MACF1: variants seen among roughly 807,000 people sequenced by gnomAD.
MACF1 encodes microtubule-actin cross-linking factor 1.
In MACF1, 193 loss-of-function variants were observed where a neutral mutation model predicts 854.8. The ratio of observed to expected loss-of-function variants is 0.23; its 90% CI spans 0.20 to 0.25. The LOEUF (loss-of-function observed/expected upper bound fraction) is 0.25. Ranked by LOEUF, MACF1 falls within the 10% of genes least tolerant of loss-of-function variation. The pLI is 1.00. For synonymous variants in MACF1, 3,185 were observed against 3,226.7 expected (o/e 0.99, Z 0.44); for missense variants, 7,722 against 8,929.1 (o/e 0.86, Z 5.45).
chr1:39,269,094 G>T, intron 6 of MACF1: 1 of 1,289,794 alleles, frequency 7.8e-7, no homozygotes, highest in Non-Finnish European at 1.0e-6. Flanking sequence ...TGCTGGAGGG[G>T]TCTGGGATTC....
intron 80 of MACF1, among the ~76,000 whole-genome samples, chr1:39,446,810 G>T (rs980330651): frequency 7.9e-5 from 12 of 152,068 alleles, no homozygotes; most frequent in Middle Eastern, 3.2e-3. Context: ...AGCTCTTGTT[G>T]TTGCCATTCT....
chr1:39,107,935 A>G (rs1190459581), intron 2 of MACF1, among the ~76,000 whole-genome samples: 3 of 152,206 alleles, frequency 2.0e-5, no homozygotes, highest in East Asian at 3.8e-4. Flanking sequence ...CCTAGGGCCA[A>G]TGGGAGAAGG....
At chr1:39,407,398 C>T (rs923977338) in intron 58 of MACF1, among the ~76,000 whole-genome samples, 3 of 152,158 alleles carry the variant, frequency 2.0e-5, no homozygotes, top group African/African-American at 4.8e-5. Flanking sequence ...AGTGTCTTGG[C>T]AGTATACGAC....
At chr1:39,279,278 T>C (rs1571257933) in intron 6 of MACF1, among the ~76,000 whole-genome samples, 1 of 152,194 alleles carries the variant, frequency 6.6e-6, no homozygotes, top group African/African-American at 2.4e-5. Context: ...TTCCCTTTTC[T>C]GTACTCAATG....
chr1:39,220,904 T>C (rs1035869998), intron 1 of MACF1, among the ~76,000 whole-genome samples: 6 of 152,172 alleles, frequency 3.9e-5, no homozygotes, highest in South Asian at 2.1e-4. Flanking sequence ...GCTAAGTAAA[T>C]TGAAGAAACT....
At chr1:39,234,448 G>T (rs186849682) in intron 2 of MACF1, among the ~76,000 whole-genome samples, 6,667 of 145,652 alleles carry the variant, frequency 0.046, 212 homozygotes, top group African/African-American at 0.08. Context: ...CCCGGACGGG[G>T]CGGCTGGCCT....
chr1:39,394,352 T>C (rs1569868971), intron 58 of MACF1, among the ~76,000 whole-genome samples: 1 of 152,140 alleles, frequency 6.6e-6, no homozygotes, highest in Non-Finnish European at 1.5e-5. Context: ...CTGGGGGCGG[T>C]GGCTCACGCC....
chr1:39,264,111 C>A (rs1051623516), intron 6 of MACF1, among the ~76,000 whole-genome samples: 3 of 152,102 alleles, frequency 2.0e-5, no homozygotes, highest in Non-Finnish European at 4.4e-5. Context: ...TAAGTGGTGA[C>A]CCCTGCAGCT....
chr1:39,365,100 G>T (rs566950113), intron 49 of MACF1, among the ~76,000 whole-genome samples: 2 of 151,776 alleles, frequency 1.3e-5, no homozygotes, highest in Admixed American at 1.3e-4. Context: ...TTTTTGAGAC[G>T]GAGTCTTGCT....
At chr1:39,319,587 C>A in intron 30 of MACF1, 77 bp from the exon 31 acceptor site, 1 of 1,043,324 alleles carries the variant, frequency 9.6e-7, no homozygotes, top group Non-Finnish European at 1.5e-6. Context: ...GAAACTACTG[C>A]CTTAGAACAT....
At chr1:39,296,814 G>GAAAT (rs760943953) in intron 20 of MACF1, among the ~76,000 whole-genome samples, 1 of 69,962 alleles carries the variant, frequency 1.4e-5, no homozygotes, top group African/African-American at 9.0e-5. Flanking sequence ...AAGAAAGAAA[G>GAAAT]GAAGGAAGGA....
chr1:39,209,917 C>T (rs1644496132), intron 1 of MACF1, among the ~76,000 whole-genome samples: 1 of 151,926 alleles, frequency 6.6e-6, no homozygotes, highest in African/African-American at 2.4e-5. Context: ...GGTGAAACCC[C>T]ATCTCTACCA....
chr1:39,244,804 C>T (rs914537727), intron 2 of MACF1, among the ~76,000 whole-genome samples: 3 of 152,168 alleles, frequency 2.0e-5, no homozygotes, highest in Non-Finnish European at 4.4e-5. Context: ...GTCTCAAACT[C>T]CTGACCTCAG....
At chr1:39,443,701 A>G (rs1644165195) in intron 79 of MACF1, 127 bp downstream of exon 79, 3 of 1,075,978 alleles carry the variant, frequency 2.8e-6, no homozygotes, top group Non-Finnish European at 3.9e-6. Flanking sequence ...AACATATAGT[A>G]TAACCTTTGG....
chr1:39,342,344 G>A (rs1047420265), intron 40 of MACF1, among the ~76,000 whole-genome samples: 1 of 152,156 alleles, frequency 6.6e-6, no homozygotes, highest in Non-Finnish European at 1.5e-5. Context: ...ATTGTGAATA[G>A]TGCTGTACTG....
chr1:39,102,261 C>T (rs924781481), intron 2 of MACF1, among the ~76,000 whole-genome samples: 1 of 152,026 alleles, frequency 6.6e-6, no homozygotes, highest in Admixed American at 6.6e-5. Context: ...TTAATGAGTG[C>T]CCTATATGTG....
chr1:39,287,328 G>A lies in MACF1; in HGVS notation c.1551G>A (p.Glu517=), dbSNP rs1557564759. Residue 517 remains glutamate, a synonymous_variant, in exon 15 of 101, where the codon GAG becomes GAA. Transcript: ENST00000564288. The part of the protein sequence containing the change: ...LQDELVTLRL[E]CTNLYRKGHF... ...ATGAGCTGGTCACCTTGCGTCTAGA[G>A]TGTACAAACCTGTACCGGAAGGGTC... is the stretch of plus-strand genomic sequence containing the variant. The A allele has an allele frequency of 6.2e-7, 1 of 1,614,152 alleles. No individual in the cohort carries two copies. The highest frequency in any genetic ancestry group is 8.5e-7 in the Non-Finnish European group (1 of 1,180,030).
intron 2 of MACF1, among the ~76,000 whole-genome samples, chr1:39,150,632 T>G (rs1643560406): frequency 1.3e-5 from 2 of 152,180 alleles, no homozygotes; most frequent in South Asian, 4.1e-4. Context: ...TACCTGCCTT[T>G]TAGCTTCCAA....
At chr1:39,393,090 G>A (rs899910035) in intron 58 of MACF1, among the ~76,000 whole-genome samples, 5 of 151,098 alleles carry the variant, frequency 3.3e-5, no homozygotes, top group African/African-American at 1.2e-4. Context: ...AATTGTATGT[G>A]TCTAACAGGA....
Sources: allele counts gnomAD v4.1 joint callset (sites outside exome capture counted in the v4.1 genomes callset), GRCh38; gene constraint gnomAD v4.1.1; transcripts MANE v1.5; gene names NCBI Gene and HGNC (gene_info 2026-07-23, HGNC 2026-07-21).